AKAP9: variants seen among roughly 807,000 people sequenced by gnomAD.
AKAP9 encodes A-kinase anchor protein 9.
AKAP9 carries 311 observed loss-of-function variants against 488.5 expected under a neutral mutation model. The observed-to-expected ratio is 0.64, with a 90% CI of 0.58 to 0.70. AKAP9 has a LOEUF of 0.70. Among genes scored for constraint, AKAP9 ranks in the 30% least tolerant of loss-of-function variants. AKAP9 has a pLI of 0.00. For synonymous variants in AKAP9, 1,462 were observed against 1,483.5 expected (o/e 0.99, Z 0.33); for missense variants, 4,215 against 4,374.5 (o/e 0.96, Z 1.03).
At chr7:92,017,699 G>T (rs1015869723) in intron 12 of AKAP9, among the ~76,000 whole-genome samples, 1 of 152,166 alleles carries the variant, frequency 6.6e-6, no homozygotes, top group Non-Finnish European at 1.5e-5. Flanking sequence ...ATATTAAAAT[G>T]TTTAGGCAGA....
intron 21 of AKAP9, among the ~76,000 whole-genome samples, chr7:92,048,232 A>T (rs1223617866): frequency 1.3e-5 from 2 of 152,196 alleles, no homozygotes; most frequent in Non-Finnish European, 2.9e-5. Context: ...TTTGCTTTTC[A>T]GTTTTCATAT....
chr7:91,960,655 T>C (rs956151317), intron 1 of AKAP9, among the ~76,000 whole-genome samples: 1 of 152,246 alleles, frequency 6.6e-6, no homozygotes, highest in African/African-American at 2.4e-5. Context: ...TCTGTGTTTA[T>C]CTATATTTAA....
chr7:92,007,973 A>AT (rs1198941948), intron 8 of AKAP9, among the ~76,000 whole-genome samples: 3 of 152,236 alleles, frequency 2.0e-5, no homozygotes, highest in Non-Finnish European at 4.4e-5. Context: ...AGACTTAAGA[A>AT]AAGTAAAAAG....
chr7:92,104,576 A>C (rs1733249310), intron 46 of AKAP9, among the ~76,000 whole-genome samples: 1 of 152,156 alleles, frequency 6.6e-6, no homozygotes, highest in South Asian at 2.1e-4. Flanking sequence ...CACTTGAGGA[A>C]ACTGAGGCAG....
intron 33 of AKAP9, 50 bp downstream of exon 33, chr7:92,083,705 A>ATT (rs745405854): frequency 1.1e-5 from 17 of 1,511,446 alleles, no homozygotes; most frequent in African/African-American, 5.7e-5. Context: ...GGTTTTTTAA[A>ATT]AAAAAAAAAT....
rs1026912334 is a variant in AKAP9 at position 92,077,855 on chromosome 7, A to C, written c.6925A>C (p.Lys2309Gln). Residue 2309 changes from lysine (K) to glutamine (Q), a missense_variant, in exon 30 of 50, where the codon AAA (lysine) becomes CAA (glutamine). Physicochemically the swap from Lys to Gln is moderately conservative, Grantham distance 53. This residue lies in a region of AKAP9 where 1,476 missense variants were observed against 1,477.4 expected (regional missense o/e 1.00). Coordinates refer to ENST00000356239, the MANE Select transcript of AKAP9 (RefSeq NM_005751.5). ...AGTTACGAAACTCCAGCAGCAACTT[A>C]AAATTACAACAGATAACAAGGTATA... ...EQVTKLQQQL[K>Q]ITTDNKVIEE... is the part of the protein sequence containing the mutation. 1.9e-6 allele frequency: 3 copies of C among 1,613,146 alleles called. No homozygotes were observed. In the African/African-American group the frequency reaches 4.0e-5, roughly 21 times the overall value.
intron 3 of AKAP9, among the ~76,000 whole-genome samples, chr7:91,985,375 G>A (rs1796940232): frequency 6.6e-6 from 1 of 152,140 alleles, no homozygotes; most frequent in South Asian, 2.1e-4. Context: ...AGATAATCAT[G>A]TGGTTTTTGT....
chr7:92,003,303 CCTT>C (rs1331182104), intron 8 of AKAP9, 68 bp downstream of exon 8: 1 of 1,217,362 alleles, frequency 8.2e-7, no homozygotes, highest in Non-Finnish European at 1.2e-6. Context: ...TAAGGTTTCA[CCTT>C]CATAGAACAT....
At chr7:91,948,217 T>G (rs1435132002) in intron 1 of AKAP9, among the ~76,000 whole-genome samples, 2 of 152,250 alleles carry the variant, frequency 1.3e-5, no homozygotes, top group Non-Finnish European at 2.9e-5. Flanking sequence ...CTTTTGGCTA[T>G]TGTGAATAGT....
At position 92,045,134 on chromosome 7, in the gene AKAP9, C is replaced by G; in HGVS notation, c.5289C>G (p.Ser1763Arg). Residue 1763 changes from serine (S) to arginine (R), a missense_variant, in exon 21 of 50, where the codon AGC becomes AGG. By Grantham distance (110) the Ser-to-Arg change is moderately radical (BLOSUM62 -1). Transcript: ENST00000356239. ...VLGILDRSSK[S>R]QSSASLIWRS... ...GGATTCTAGATAGATCTAGTAAAAG[C>G]CAGTCATCTGCCAGCCTAATTTGGA... 1 of 1,613,536 alleles carries G rather than the reference C, an allele frequency of 6.2e-7. No individual in the cohort carries two copies. Among genetic ancestry groups the G allele is most frequent in the East Asian group, 2.2e-5 (1 of 44,852 alleles).
In AKAP9 at chr7:91,995,716, C is replaced by T. The variant is rs1350416612; in HGVS notation, c.846C>T (p.His282=). Reference sequence around the variant, plus strand: ...AACAGCAGCTTGAAGAACAAGACCACTTATTAGAAGATTATCAGAAAAAGA... The same window carrying T: ...AACAGCAGCTTGAAGAACAAGACCATTTATTAGAAGATTATCAGAAAAAGA... ...THQQQLEEQD[H]LLEDYQKKKE... The change falls in exon 7 of 50, where the codon CAC becomes CAT. Residue 282 remains histidine, a synonymous_variant. Coordinates refer to ENST00000356239, the MANE Select transcript of AKAP9 (RefSeq NM_005751.5). The T allele has an allele frequency of 6.2e-7, 1 of 1,613,808 alleles. No homozygotes were observed. Among genetic ancestry groups the T allele is most frequent in the Non-Finnish European group, 8.5e-7 (1 of 1,179,728 alleles).
intron 16 of AKAP9, among the ~76,000 whole-genome samples, chr7:92,033,442 CTTTTTTT>C (rs35497475): frequency 2.8e-5 from 3 of 107,346 alleles, no homozygotes; most frequent in Non-Finnish European, 5.6e-5. Flanking sequence ...CTTTTCTTTT[CTTTTTTT>C]TTTTTTTTTT....
In AKAP9 at chr7:92,107,295, G is replaced by A. The variant is rs1445749676; in HGVS notation, c.11419G>A (p.Ala3807Thr). 5.0e-6 allele frequency: 8 copies of A among 1,613,866 alleles called. No homozygotes were observed. Among genetic ancestry groups the A allele is most frequent in the Admixed American group, 1.7e-5 (1 of 60,004 alleles). The change falls in exon 48 of 50, where the codon GCA (alanine) becomes ACA (threonine). Residue 3807 changes from alanine to threonine, a missense_variant and splice_region_variant. Physicochemically the swap from Ala to Thr is moderately conservative, Grantham distance 58 (BLOSUM62 0). This residue lies in a region of AKAP9 where 253 missense variants were observed against 266.8 expected (regional missense o/e 0.95). Transcript: ENST00000356239. ...NRDGFGLNQG[A>T]EKTDSFYHSS... ...AGGAATATTTTGGGTTACTTTAGGT[G>A]CAGAAAAGACTGACTCATTTTATCA... is the stretch of plus-strand genomic sequence containing the variant.
Position 92,012,573 on chromosome 7 carries a change from G to A in AKAP9, c.3463G>A (p.Glu1155Lys). 6.2e-7 allele frequency: 1 copy of A among 1,613,764 alleles called. No individual in the cohort carries two copies. The highest frequency in any genetic ancestry group is 1.1e-5 in the South Asian group (1 of 91,018). Residue 1155 changes from glutamate (E) to lysine (K), a missense_variant, in exon 9 of 50, where the codon GAG (glutamate) becomes AAG (lysine). Coordinates refer to ENST00000356239, the MANE Select transcript of AKAP9 (RefSeq NM_005751.5). ...TAAAGAAGAGCTTATTTTTGCTCAA[G>A]AGGAAAAGATCAAGGAACTTCAGAA... ...SLKEELIFAQ[E>K]EKIKELQKIH... is the part of the protein sequence containing the mutation.
chr7:92,002,446 T>G lies in AKAP9; in HGVS notation c.2529T>G (p.Ile843Met), dbSNP rs556917426. 1.9e-6 allele frequency: 3 copies of G among 1,609,072 alleles called. No individual in the cohort carries two copies. In the African/African-American group the frequency reaches 4.0e-5, roughly 22 times the overall value. Residue 843 changes from isoleucine (I) to methionine (M), a missense_variant, in exon 8 of 50, where the codon ATT becomes ATG. Coordinates refer to ENST00000356239, the MANE Select transcript of AKAP9 (RefSeq NM_005751.5). The part of the protein sequence containing the change: ...KQQCIQLNEE[I>M]EKQRNTFSFA... ...AATGTATTCAGCTAAATGAAGAGAT[T>G]GAAAAGCAAAGGAACACTTTTTCAT...
chr7:92,084,941 G>C lies in AKAP9; in HGVS notation c.8832+1G>C. ...AGATTCCTTTCCAAAGAAAATAAAGGTACTAAAAGATAGATACCTTTTATT... is the reference window on the plus strand; with the variant it reads ...AGATTCCTTTCCAAAGAAAATAAAGCTACTAAAAGATAGATACCTTTTATT... On this transcript the variant is annotated splice_donor_variant, in intron 35 of 49. Transcript: ENST00000356239. LOFTEE classifies it high-confidence loss of function. 6.2e-7 allele frequency: 1 copy of C among 1,612,540 alleles called. No individual in the cohort carries two copies.
intron 5 of AKAP9, 87 bp downstream of exon 5, chr7:91,993,142 T>C (rs1797974688): frequency 1.4e-6 from 2 of 1,412,676 alleles, no homozygotes; most frequent in Non-Finnish European, 9.7e-7. Flanking sequence ...AAAGATGGGG[T>C]TTTTAAAATT....
chr7:92,052,137 A>C (rs1447256652), intron 21 of AKAP9, among the ~76,000 whole-genome samples: 1 of 152,180 alleles, frequency 6.6e-6, no homozygotes, highest in Admixed American at 6.5e-5. Context: ...TGTGTAGCCA[A>C]AGCAGATGAT....
At chr7:92,061,547 G>A in intron 23 of AKAP9, 125 bp downstream of exon 23, 1 of 853,864 alleles carries the variant, frequency 1.2e-6, no homozygotes, top group Admixed American at 2.7e-5. Flanking sequence ...AAGTACTTGT[G>A]GTTTATCTTC....
Sources: gnomAD v4.1 joint callset for allele counts (sites outside exome capture counted in the v4.1 genomes callset) on GRCh38, gnomAD v4.1.1 for gene constraint, gnomAD v4.1.1 regional missense constraint, MANE v1.5 for transcripts, NCBI Gene and HGNC (gene_info 2026-07-23, HGNC 2026-07-21) for gene names.